The following SP140 variants were observed in gnomAD, a reference collection of about 807,000 sequenced individuals.
SP140 encodes the protein nuclear body protein SP140.
A neutral mutation model predicts 125.0 loss-of-function variants in SP140; 81 were observed. The observed-to-expected ratio is 0.65, with a 90% CI of 0.54 to 0.78. The LOEUF (loss-of-function observed/expected upper bound fraction) is 0.78. SP140 is among the 30% of genes least tolerant of loss of function. SP140 has a pLI of 0.00. For missense variants in SP140, 858 were observed against 1,037.0 expected (o/e 0.83, Z 2.37); for synonymous variants, 312 against 354.0 (o/e 0.88, Z 1.33).
At chr2:230,217,064 G>T (rs2045272304) in intron 3 of SP140, 1 of 659,118 alleles carries the variant, frequency 1.5e-6, no homozygotes, top group Non-Finnish European at 2.6e-6. Flanking sequence ...TGGCCAACAT[G>T]GTGAAACTCT....
At chr2:230,238,453 A>T in intron 3 of SP140, 72 bp downstream of exon 3, 1 of 1,422,742 alleles carries the variant, frequency 7.0e-7, no homozygotes, top group South Asian at 1.2e-5. Flanking sequence ...TTCACTCTTC[A>T]TTCATATTTG....
chr2:230,293,418 C>T (rs1301004930), intron 20 of SP140, among the ~76,000 whole-genome samples: 2 of 152,192 alleles, frequency 1.3e-5, no homozygotes, highest in Non-Finnish European at 2.9e-5. Context: ...CTCACTGCAA[C>T]CTCCACCTCC....
At chr2:230,316,032 C>T (rs1406208942), downstream of SP140, among the ~76,000 whole-genome samples, 1 of 152,194 alleles carries the variant, frequency 6.6e-6, no homozygotes, top group East Asian at 1.9e-4. Flanking sequence ...GATTGGACAA[C>T]AGTATATCCT....
At chr2:230,189,581 A>G in the SP140 span, among the ~76,000 whole-genome samples, 1 of 152,110 alleles carries the variant, frequency 6.6e-6, no homozygotes, top group Non-Finnish European at 1.5e-5. Context: ...TTCTTCTAAA[A>G]AACCCCCCAA....
chr2:230,252,984 C>T (rs1335239421), intron 10 of SP140, among the ~76,000 whole-genome samples: 1 of 151,868 alleles, frequency 6.6e-6, no homozygotes, highest in Admixed American at 6.6e-5. Context: ...AGAGCCTGCT[C>T]TATGGGATAG....
chr2:230,194,653 G>A, the SP140 span, among the ~76,000 whole-genome samples: 1 of 152,166 alleles, frequency 6.6e-6, no homozygotes, highest in Non-Finnish European at 1.5e-5. Context: ...GTTGACTGAG[G>A]TAGTTCTGAA....
chr2:230,210,723 A>C (rs1045002943), intron 1 of SP140, among the ~76,000 whole-genome samples: 1 of 152,254 alleles, frequency 6.6e-6, no homozygotes, highest in Non-Finnish European at 1.5e-5. Flanking sequence ...TCTCACATGA[A>C]GCTGTCACCT....
chr2:230,305,978 C>T (rs2058724881), intron 22 of SP140, among the ~76,000 whole-genome samples: 1 of 152,200 alleles, frequency 6.6e-6, no homozygotes, highest in South Asian at 2.1e-4. Context: ...CCAAGCCATC[C>T]CTGAGCCTTG....
At chr2:230,250,829 T>C in intron 9 of SP140, 152 bp from the exon 10 acceptor site, 1 of 674,836 alleles carries the variant, frequency 1.5e-6, no homozygotes, top group Non-Finnish European at 2.5e-6. Context: ...GTGCATCCAC[T>C]TACAGGCCAG....
At chr2:230,186,181 C>T in the SP140 span, 1 of 1,608,786 alleles carries the variant, frequency 6.2e-7, no homozygotes, top group Admixed American at 1.7e-5. Context: ...TAGTGAGCTC[C>T]CTTCTCATGT....
At position 230,308,439 on chromosome 2, in the gene SP140, T is replaced by C. The variant is rs1486518127; in HGVS notation, c.2059-1485T>C. Among the ~76,000 whole-genome samples, 5 of 152,238 alleles carry C rather than the reference T, an allele frequency of 3.3e-5. No individual in the cohort carries two copies. In the East Asian group the frequency reaches 9.6e-4, roughly 29 times the overall value. On this transcript the variant is annotated intron_variant, in intron 22 of 26. Coordinates refer to ENST00000392045, the MANE Select transcript of SP140 (RefSeq NM_007237.5). ...TTCGACATACTTAAACATTTGGTAC[T>C]TCATTCCCTCCCTAGGGTTTTGGAG...
chr2:230,308,988 A>G (rs1377885377), intron 22 of SP140, among the ~76,000 whole-genome samples: 1 of 152,182 alleles, frequency 6.6e-6, no homozygotes, highest in East Asian at 1.9e-4. Context: ...ATTGGTCTCT[A>G]TATTTGCTCT....
chr2:230,189,133 T>G, the SP140 span, among the ~76,000 whole-genome samples: 2 of 152,156 alleles, frequency 1.3e-5, no homozygotes, highest in East Asian at 3.8e-4. Context: ...CTATCAATTT[T>G]GTTTATCTTT....
intron 12 of SP140, among the ~76,000 whole-genome samples, chr2:230,256,239 C>T (rs1212765423): frequency 6.6e-6 from 1 of 151,976 alleles, no homozygotes; most frequent in Non-Finnish European, 1.5e-5. Flanking sequence ...TTTATTGTGG[C>T]ACTATTCACA....
upstream of SP140, among the ~76,000 whole-genome samples, chr2:230,224,689 T>A (rs2046122181): frequency 6.6e-6 from 1 of 152,174 alleles, no homozygotes; most frequent in Non-Finnish European, 1.5e-5. Flanking sequence ...TGTATGCAAA[T>A]TTCCTTGCAT....
intron 3 of SP140, chr2:230,238,764 A>AT: frequency 1.9e-6 from 3 of 1,549,892 alleles, no homozygotes; most frequent in Non-Finnish European, 2.6e-6. Context: ...GTATTAGAAA[A>AT]TTTATCATCC....
At chr2:230,199,523 A>C (rs1222816930), upstream of SP140, among the ~76,000 whole-genome samples, 1 of 152,074 alleles carries the variant, frequency 6.6e-6, no homozygotes, top group Admixed American at 6.6e-5. Flanking sequence ...ACATAATCCT[A>C]ATGGTGACAG....
At chr2:230,200,664 A>G (rs2043088832), upstream of SP140, 1 of 589,288 alleles carries the variant, frequency 1.7e-6, no homozygotes, top group Non-Finnish European at 3.0e-6. Flanking sequence ...TATAGTGCAG[A>G]TATACATACA....
intron 15 of SP140, among the ~76,000 whole-genome samples, chr2:230,283,831 G>A (rs888376245): frequency 6.6e-6 from 1 of 152,170 alleles, no homozygotes; most frequent in Non-Finnish European, 1.5e-5. Flanking sequence ...CCTGAAGGAG[G>A]GCTGACAGTG....
Sources: gnomAD v4.1 joint callset for allele counts (sites outside exome capture counted in the v4.1 genomes callset) on GRCh38, gnomAD v4.1.1 for gene constraint, MANE v1.5 for transcripts, NCBI Gene and HGNC (gene_info 2026-07-23, HGNC 2026-07-21) for gene names.